The following EXD1 variants were observed in gnomAD, a reference collection of about 807,000 sequenced individuals.
EXD1 encodes exonuclease 3'-5' domain containing 1, also known as piRNA biogenesis protein EXD1.
EXD1 carries 63 observed loss-of-function variants against 49.1 expected under a neutral mutation model. The ratio of observed to expected loss-of-function variants is 1.28; its 90% CI spans 1.05 to 1.58. The LOEUF is 1.58. Among genes scored for constraint, EXD1 ranks in the 40% most tolerant of loss-of-function variants. The pLI is 0.00. For missense variants in EXD1, 748 were observed against 666.0 expected (o/e 1.12, Z -1.36); for synonymous variants, 234 against 239.2 (o/e 0.98, Z 0.20).
At chr15:41,205,721 A>G (rs556802021) in intron 7 of EXD1, among the ~76,000 whole-genome samples, 3,283 of 136,298 alleles carry the variant, frequency 0.024, 126 homozygotes, top group African/African-American at 0.084. Context: ...GAAGGAGAGA[A>G]GGAGGGAAGA....
intron 2 of EXD1, among the ~76,000 whole-genome samples, chr15:41,221,709 C>T (rs1400727718): frequency 6.6e-6 from 1 of 151,924 alleles, no homozygotes; most frequent in Non-Finnish European, 1.5e-5. Flanking sequence ...CTTTTTCCTT[C>T]TCTTTGAATG....
chr15:41,230,411 C>A, intron 1 of EXD1, 68 bp downstream of exon 1: 1 of 1,514,680 alleles, frequency 6.6e-7, no homozygotes, highest in South Asian at 1.1e-5. Context: ...AAACAATACA[C>A]CATGAGAATA....
intron 6 of EXD1, among the ~76,000 whole-genome samples, 164 bp from the exon 7 acceptor site, chr15:41,209,751 A>G (rs767814714): frequency 1.9e-4 from 28 of 150,326 alleles, no homozygotes; most frequent in Non-Finnish European, 3.0e-5. Context: ...ACACATGCAA[A>G]TAAATCAGCA....
Position 41,216,774 on chromosome 15 carries a change from C to T in EXD1, c.282G>A (p.Trp94Ter), listed in dbSNP as rs2047006026. ...GGTCTTCAACTTTCATTTTCTCCAT[C>T]CAGGTTCTTTCTGCATGTAGACTAT... is the stretch of plus-strand genomic sequence containing the variant. ...SSVSLHAERT[W>*]MEKMKVEDLN... Residue 94 changes from tryptophan to a stop codon, truncating the protein, a stop_gained, in exon 5 of 12, where the codon TGG (tryptophan) becomes TGA (stop). Transcript: ENST00000458580. LOFTEE classifies it high-confidence loss of function. The T allele has an allele frequency of 6.2e-7, 1 of 1,613,750 alleles. No individual in the cohort carries two copies. Among genetic ancestry groups the T allele is most frequent in the Admixed American group, 1.7e-5 (1 of 59,984 alleles).
chr15:41,214,421 G>A (rs112433644), intron 6 of EXD1, among the ~76,000 whole-genome samples: 24,541 of 151,222 alleles, frequency 0.16, 3,696 homozygotes, highest in African/African-American at 0.4. Context: ...GCTGAGCCAG[G>A]AGAATCGCTT....
In EXD1 at chr15:41,184,591, A is replaced by G. The variant is rs1436424900; in HGVS notation, c.1059T>C (p.Pro353=). The G allele has an allele frequency of 1.3e-6, 2 of 1,565,772 alleles. No individual in the cohort carries two copies. Among genetic ancestry groups the G allele is most frequent in the Non-Finnish European group, 1.7e-6 (2 of 1,162,268 alleles). ...GTTCCTCTGGCAGCTCCATACATGT[A>G]GGCTAAGAAGAGAAAGCGAACACAA... ...GSADRLGGTE[P]TCMELPEELL... Residue 353 remains proline (P), a splice_region_variant and synonymous_variant, in exon 12 of 12, where the codon CCT becomes CCC. Coordinates refer to ENST00000458580, the MANE Select transcript of EXD1 (RefSeq NM_001286441.2).
intron 7 of EXD1, among the ~76,000 whole-genome samples, chr15:41,208,938 G>C (rs2046877153): frequency 6.6e-6 from 1 of 151,758 alleles, no homozygotes; most frequent in Non-Finnish European, 1.5e-5. Context: ...CAGAGCCCGA[G>C]AGACAGCACT....
intron 2 of EXD1, among the ~76,000 whole-genome samples, chr15:41,225,093 A>G (rs7179969): frequency 0.29 from 44,285 of 152,112 alleles, 9,047 homozygotes; most frequent in African/African-American, 0.57. Context: ...ATAACAGATG[A>G]TCACTGACAT....
intron 7 of EXD1, among the ~76,000 whole-genome samples, chr15:41,202,118 C>T (rs2046738977): frequency 6.6e-6 from 1 of 151,538 alleles, no homozygotes; most frequent in African/African-American, 2.4e-5. Context: ...AATTGCCAGA[C>T]CTACCTAGCA....
intron 1 of EXD1, among the ~76,000 whole-genome samples, chr15:41,228,882 G>C (rs559188840): frequency 6.7e-6 from 1 of 150,200 alleles, no homozygotes; most frequent in South Asian, 2.1e-4. Flanking sequence ...AAACATTAAA[G>C]AAAAAAAAAT....
chr15:41,206,474 G>GAAAAA (rs34195951), intron 7 of EXD1, among the ~76,000 whole-genome samples: 1 of 87,170 alleles, frequency 1.1e-5, no homozygotes, highest in African/African-American at 3.5e-5. Flanking sequence ...ACCCTGTCTC[G>GAAAAA]AAAAAAAAAA....
chr15:41,202,585 C>G (rs569406974), intron 7 of EXD1, among the ~76,000 whole-genome samples: 79 of 152,116 alleles, frequency 5.2e-4, no homozygotes, highest in Non-Finnish European at 1.1e-3. Context: ...AAGAGATCCT[C>G]CCTCCTCAGC....
intron 11 of EXD1, 93 bp from the exon 12 acceptor site, chr15:41,184,686 G>A (rs1433203161): frequency 1.3e-5 from 16 of 1,254,280 alleles, no homozygotes; most frequent in South Asian, 1.2e-4. Context: ...ATGGAGTCTC[G>A]CTCTGTCGCC....
At chr15:41,224,167 A>G (rs1595461326) in intron 2 of EXD1, among the ~76,000 whole-genome samples, 1 of 152,096 alleles carries the variant, frequency 6.6e-6, no homozygotes. Context: ...CAAACTCCTG[A>G]CCTCAGGTGA....
chr15:41,221,962 C>G (rs1049146429), intron 2 of EXD1, among the ~76,000 whole-genome samples: 1 of 151,212 alleles, frequency 6.6e-6, no homozygotes, highest in African/African-American at 2.4e-5. Flanking sequence ...TAGCCAGGCG[C>G]GGTGGCAGGT....
intron 7 of EXD1, among the ~76,000 whole-genome samples, chr15:41,203,566 T>C (rs1204424844): frequency 6.6e-6 from 1 of 152,082 alleles, no homozygotes; most frequent in Non-Finnish European, 1.5e-5. Context: ...ACTAGAATCA[T>C]TCTCCCTGAA....
At chr15:41,228,833 G>T (rs192439528) in intron 1 of EXD1, among the ~76,000 whole-genome samples, 161 of 151,852 alleles carry the variant, frequency 1.1e-3, no homozygotes, top group African/African-American at 3.5e-3. Flanking sequence ...CCCAAGAAAG[G>T]AAAGTTTGTG....
chr15:41,212,356 G>C (rs2046934513), intron 6 of EXD1, among the ~76,000 whole-genome samples: 1 of 152,086 alleles, frequency 6.6e-6, no homozygotes, highest in African/African-American at 2.4e-5. Context: ...TCAGGAGGCT[G>C]AGGCAGGAGA....
intron 7 of EXD1, among the ~76,000 whole-genome samples, chr15:41,196,945 C>G (rs1251705512): frequency 6.6e-6 from 1 of 152,096 alleles, no homozygotes; most frequent in Middle Eastern, 3.2e-3. Flanking sequence ...CCCACCTCAG[C>G]CTCCCAAGTA....
Sources: allele counts gnomAD v4.1 joint callset (sites outside exome capture counted in the v4.1 genomes callset), GRCh38; gene constraint gnomAD v4.1.1; transcripts MANE v1.5; gene names NCBI Gene and HGNC (gene_info 2026-07-23, HGNC 2026-07-21).